PRKG1: variants seen among roughly 807,000 people sequenced by gnomAD.
The protein encoded by PRKG1 is protein kinase cGMP-dependent 1, also known as cGMP-dependent protein kinase 1.
Under a neutral mutation model 88.1 loss-of-function variants are expected in PRKG1, and 35 were observed. That is an observed-to-expected ratio of 0.40 (90% CI 0.30 to 0.53). PRKG1 has a LOEUF of 0.53. Ranked by LOEUF, PRKG1 falls within the 20% of genes least tolerant of loss-of-function variation. PRKG1 has a pLI of 0.59. For synonymous variants in PRKG1, 303 were observed against 292.5 expected (o/e 1.04, Z -0.37); for missense variants, 540 against 839.8 (o/e 0.64, Z 4.41).
At chr10:52,202,314 C>T (rs951752664) in intron 9 of PRKG1, among the ~76,000 whole-genome samples, 3 of 152,062 alleles carry the variant, frequency 2.0e-5, no homozygotes, top group African/African-American at 4.8e-5. Context: ...TTATGGTTTT[C>T]GTTTTTAATT....
At chr10:51,432,458 G>A (rs1257349647) in intron 2 of PRKG1, among the ~76,000 whole-genome samples, 2 of 152,096 alleles carry the variant, frequency 1.3e-5, no homozygotes, top group Non-Finnish European at 2.9e-5. Flanking sequence ...TAGAGTGAAA[G>A]CTTAGGGAGT....
intron 3 of PRKG1, among the ~76,000 whole-genome samples, chr10:51,563,485 G>A (rs1176479510): frequency 6.6e-6 from 1 of 151,942 alleles, no homozygotes; most frequent in Non-Finnish European, 1.5e-5. Flanking sequence ...ATTGCTTTTG[G>A]ATTCAGAATC....
In PRKG1 at chr10:51,042,063, C is replaced by T. The variant is rs1408913749; in HGVS notation, c.266+50419C>T. On this transcript the variant is annotated intron_variant, in intron 1 of 17. Transcript: ENST00000401604. ...GGAGGAGGTAGAGGTTTTCTTCTTT[C>T]TGCACACACCTGTAAGCCCAGCTCA... 1.2e-4 allele frequency among the ~76,000 whole-genome samples: 18 copies of T among 152,170 alleles called. 1 individual carries two copies. Among genetic ancestry groups the T allele is most frequent in the Admixed American group, 1.1e-3 (17 of 15,268 alleles).
chr10:52,251,896 C>T, intron 10 of PRKG1: 1 of 433,622 alleles, frequency 2.3e-6, no homozygotes. Context: ...TTTTAGAAAA[C>T]CTCTTCATAT....
chr10:51,014,749 A>G (rs907149667), intron 1 of PRKG1, among the ~76,000 whole-genome samples: 35 of 152,184 alleles, frequency 2.3e-4, no homozygotes, highest in African/African-American at 8.2e-4. Flanking sequence ...ACATATTTAC[A>G]TATTTATGTG....
intron 5 of PRKG1, among the ~76,000 whole-genome samples, chr10:51,963,081 T>G (rs1044692184): frequency 1.3e-5 from 2 of 152,090 alleles, no homozygotes; most frequent in African/African-American, 4.8e-5. Flanking sequence ...ACAAACTTTT[T>G]TTTTGCAATG....
chr10:51,105,019 C>T (rs957881109), intron 1 of PRKG1, among the ~76,000 whole-genome samples: 2 of 151,992 alleles, frequency 1.3e-5, no homozygotes, highest in Non-Finnish European at 2.9e-5. Context: ...CATGGGCCAC[C>T]GCACCCAGCC....
chr10:51,396,157 G>T (rs1380171140), intron 2 of PRKG1, among the ~76,000 whole-genome samples: 2 of 152,166 alleles, frequency 1.3e-5, no homozygotes, highest in Admixed American at 1.3e-4. Context: ...AGACTGAAGT[G>T]GGTGGATCGC....
intron 3 of PRKG1, among the ~76,000 whole-genome samples, chr10:51,508,431 A>T (rs940714734): frequency 6.6e-5 from 10 of 152,184 alleles, no homozygotes; most frequent in African/African-American, 9.7e-5. Flanking sequence ...TGCATTAATG[A>T]CAAACTATCA....
intron 3 of PRKG1, among the ~76,000 whole-genome samples, chr10:51,801,864 G>T (rs1839183181): frequency 6.6e-6 from 1 of 152,100 alleles, no homozygotes; most frequent in African/African-American, 2.4e-5. Context: ...CTTAACCTGA[G>T]AAAATGATAT....
chr10:52,218,242 GTT>G (rs376908488), intron 9 of PRKG1, among the ~76,000 whole-genome samples: 1 of 144,734 alleles, frequency 6.9e-6, no homozygotes, highest in African/African-American at 2.5e-5. Context: ...ATAGGTTACA[GTT>G]TTTTTTTTGG....
intron 4 of PRKG1, among the ~76,000 whole-genome samples, chr10:51,838,740 C>G (rs1448211142): frequency 6.6e-6 from 1 of 151,576 alleles, no homozygotes; most frequent in Non-Finnish European, 1.5e-5. Flanking sequence ...GCTAGTAGGT[C>G]TAGGAATTTT....
chr10:51,334,784 A>G (rs1841831420), intron 2 of PRKG1, among the ~76,000 whole-genome samples: 1 of 152,156 alleles, frequency 6.6e-6, no homozygotes. Context: ...GAGTTAAAGA[A>G]GCTTAAACAG....
intron 2 of PRKG1, among the ~76,000 whole-genome samples, chr10:51,419,306 G>A (rs1838339150): frequency 6.6e-6 from 1 of 152,194 alleles, no homozygotes; most frequent in Non-Finnish European, 1.5e-5. Flanking sequence ...GGGAGAAGGA[G>A]AGGGCAAGCA....
At chr10:51,531,508 CT>C (rs1195994881) in intron 3 of PRKG1, among the ~76,000 whole-genome samples, 3 of 151,938 alleles carry the variant, frequency 2.0e-5, no homozygotes, top group African/African-American at 7.3e-5. Context: ...TCAAACTGAC[CT>C]ATTATTTTAA....
chr10:52,179,407 A>G (rs549507231), intron 9 of PRKG1, among the ~76,000 whole-genome samples: 7 of 152,214 alleles, frequency 4.6e-5, no homozygotes, highest in Admixed American at 3.3e-4. Context: ...TACTTTGACT[A>G]TATCACCCCA....
intron 2 of PRKG1, among the ~76,000 whole-genome samples, chr10:51,395,021 A>G (rs996704229): frequency 6.6e-6 from 1 of 152,148 alleles, no homozygotes; most frequent in Non-Finnish European, 1.5e-5. Flanking sequence ...CACATTTGGG[A>G]AACTTGCTTT....
chr10:51,437,040 G>A (rs1050049258), intron 2 of PRKG1, among the ~76,000 whole-genome samples: 1 of 151,928 alleles, frequency 6.6e-6, no homozygotes, highest in Non-Finnish European at 1.5e-5. Context: ...AAGCTGGTTT[G>A]TTAGTCACAT....
At chr10:52,017,636 T>C (rs777018779) in intron 5 of PRKG1, among the ~76,000 whole-genome samples, 3 of 152,144 alleles carry the variant, frequency 2.0e-5, no homozygotes, top group Non-Finnish European at 4.4e-5. Context: ...AGTTTAGATA[T>C]GATACTTGCA....
Sources: gnomAD v4.1 joint callset for allele counts (sites outside exome capture counted in the v4.1 genomes callset) on GRCh38, gnomAD v4.1.1 for gene constraint, MANE v1.5 for transcripts, NCBI Gene and HGNC (gene_info 2026-07-23, HGNC 2026-07-21) for gene names.